Variants in RIMS2 observed in about 807,000 individuals in gnomAD.
The protein encoded by RIMS2 is regulating synaptic membrane exocytosis 2, also known as regulating synaptic membrane exocytosis protein 2.
RIMS2 carries 59 observed loss-of-function variants against 174.4 expected under a neutral mutation model. The observed-to-expected ratio is 0.34, with a 90% CI of 0.27 to 0.42. The LOEUF is 0.42. Among genes scored for constraint, RIMS2 ranks in the 10% least tolerant of loss-of-function variants. The probability of loss-of-function intolerance (pLI) is 1.00; values close to 1 mark genes in which losing one functional copy is unlikely to be tolerated. For missense variants in RIMS2, 1,620 were observed against 1,666.3 expected, an observed-to-expected ratio of 0.97 and a Z score of 0.48; for synonymous variants, 606 against 572.5, an observed-to-expected ratio of 1.06 and a Z score of -0.84.
intron 1 of RIMS2, among the ~76,000 whole-genome samples, chr8:103,567,622 C>T (rs144092664): frequency 6.6e-6 from 1 of 152,202 alleles, no homozygotes; most frequent in African/African-American, 2.4e-5. Context: ...ATGCTGTGAA[C>T]ATTTATGTAC....
At chr8:103,888,562 C>T (rs2099221702) in intron 4 of RIMS2, among the ~76,000 whole-genome samples, 1 of 151,348 alleles carries the variant, frequency 6.6e-6, no homozygotes, top group African/African-American at 2.4e-5. Context: ...TTCTATTATC[C>T]TTTGCTAAAG....
chr8:103,638,151 G>T (rs909418628), intron 1 of RIMS2, among the ~76,000 whole-genome samples: 3 of 151,974 alleles, frequency 2.0e-5, no homozygotes, highest in African/African-American at 7.3e-5. Context: ...TTTTCTATTG[G>T]TTGCAAGTGG....
intron 1 of RIMS2, among the ~76,000 whole-genome samples, chr8:103,534,812 A>G (rs1441832455): frequency 6.6e-6 from 1 of 152,092 alleles, no homozygotes; most frequent in East Asian, 1.9e-4. Flanking sequence ...TTTGTTTTTT[A>G]TTGTTCTGTT....
chr8:103,703,900 G>A (rs10112260), intron 2 of RIMS2, among the ~76,000 whole-genome samples: 26,736 of 151,764 alleles, frequency 0.18, 2,557 homozygotes, highest in African/African-American at 0.24. Flanking sequence ...TCATCTTTAC[G>A]GTTTTAACAT....
At chr8:103,957,374 A>G (rs1010494293) in intron 14 of RIMS2, among the ~76,000 whole-genome samples, 9 of 152,222 alleles carry the variant, frequency 5.9e-5, no homozygotes, top group African/African-American at 1.2e-4. Context: ...TGAATCAATG[A>G]TAGACTGGAT....
chr8:103,566,815 C>G (rs2092392209), intron 1 of RIMS2, among the ~76,000 whole-genome samples: 1 of 152,168 alleles, frequency 6.6e-6, no homozygotes, highest in Admixed American at 6.5e-5. Context: ...TTTCTGTCTC[C>G]TTGAATCCCT....
intron 1 of RIMS2, among the ~76,000 whole-genome samples, chr8:103,545,915 CT>C (rs1479520222): frequency 3.3e-5 from 5 of 152,204 alleles, no homozygotes; most frequent in Admixed American, 6.5e-5. Context: ...AAGACTGTTA[CT>C]GGTCACCACA....
intron 19 of RIMS2, among the ~76,000 whole-genome samples, chr8:104,125,465 T>C (rs1267728654): frequency 6.6e-6 from 1 of 152,168 alleles, no homozygotes; most frequent in Non-Finnish European, 1.5e-5. Context: ...CTTAGAATAA[T>C]GCCTAGTACA....
chr8:103,604,710 T>C (rs1187594234), intron 1 of RIMS2, among the ~76,000 whole-genome samples: 131 of 138,002 alleles, frequency 9.5e-4, no homozygotes, highest in African/African-American at 3.4e-3. Context: ...GAAGAGGTCC[T>C]TCACATCCCT....
At chr8:103,964,819 A>G (rs1174579995) in intron 15 of RIMS2, among the ~76,000 whole-genome samples, 1 of 152,002 alleles carries the variant, frequency 6.6e-6, no homozygotes, top group African/African-American at 2.4e-5. Context: ...TACATATCTG[A>G]TGCATTTTTG....
At chr8:103,739,517 TTAAAGTA>T (rs1413547960) in intron 2 of RIMS2, among the ~76,000 whole-genome samples, 1 of 152,196 alleles carries the variant, frequency 6.6e-6, no homozygotes, top group Non-Finnish European at 1.5e-5. Flanking sequence ...ACCCTAGAAC[TTAAAGTA>T]TAATATAAAA....
intron 4 of RIMS2, among the ~76,000 whole-genome samples, chr8:103,901,851 G>C (rs1376023038): frequency 1.3e-5 from 2 of 152,118 alleles, no homozygotes; most frequent in Non-Finnish European, 2.9e-5. Flanking sequence ...AGCACATGGG[G>C]CCTCTAGATC....
chr8:103,880,847 T>G (rs1370025120), intron 3 of RIMS2, among the ~76,000 whole-genome samples: 1 of 151,624 alleles, frequency 6.6e-6, no homozygotes, highest in African/African-American at 2.4e-5. Context: ...ATACTTCTGT[T>G]AAATCCTTGA....
chr8:104,073,308 ATTTTT>A (rs1290252154), intron 19 of RIMS2, among the ~76,000 whole-genome samples: 1 of 152,182 alleles, frequency 6.6e-6, no homozygotes, highest in African/African-American at 2.4e-5. Flanking sequence ...CATATTTAAT[ATTTTT>A]AAATGTTCCC....
At chr8:104,154,474 T>C (rs2098709354) in intron 19 of RIMS2, among the ~76,000 whole-genome samples, 1 of 152,224 alleles carries the variant, frequency 6.6e-6, no homozygotes, top group African/African-American at 2.4e-5. Context: ...TTATTTTAAA[T>C]TCAAATAGGC....
At chr8:103,940,641 C>T (rs550765735) in intron 13 of RIMS2, among the ~76,000 whole-genome samples, 4 of 151,778 alleles carry the variant, frequency 2.6e-5, no homozygotes, top group African/African-American at 7.3e-5. Flanking sequence ...TTTGGGAGGC[C>T]GAGGGGGGCA....
At chr8:104,125,020 G>C (rs543736973) in intron 19 of RIMS2, among the ~76,000 whole-genome samples, 1 of 152,264 alleles carries the variant, frequency 6.6e-6, no homozygotes, top group South Asian at 2.1e-4. Context: ...AGGAGGCAGT[G>C]GAGGTGGTAA....
intron 19 of RIMS2, among the ~76,000 whole-genome samples, chr8:104,026,932 G>A (rs1261458625): frequency 6.6e-6 from 1 of 152,064 alleles, no homozygotes; most frequent in Non-Finnish European, 1.5e-5. Context: ...TGGTGGAATT[G>A]GTGGATATTT....
At chr8:103,873,261 C>A (rs921900861) in intron 3 of RIMS2, among the ~76,000 whole-genome samples, 7 of 152,074 alleles carry the variant, frequency 4.6e-5, no homozygotes, top group African/African-American at 1.7e-4. Context: ...TCCTCTTTCT[C>A]TTGGGAACAA....
Sources: gnomAD v4.1 joint callset for allele counts (sites outside exome capture counted in the v4.1 genomes callset) on GRCh38, gnomAD v4.1.1 for gene constraint, MANE v1.5 for transcripts, NCBI Gene and HGNC (gene_info 2026-07-23, HGNC 2026-07-21) for gene names.